The following IPPK variants were observed in gnomAD, a reference collection of about 807,000 sequenced individuals.
IPPK encodes the protein IPK1 homolog.
Under a neutral mutation model 64.6 loss-of-function variants are expected in IPPK, and 22 were observed. That is an observed-to-expected ratio of 0.34 (90% CI 0.24 to 0.49). The LOEUF (loss-of-function observed/expected upper bound fraction) is 0.49, where lower values mean the gene tolerates loss of function less well. Ranked by LOEUF, IPPK falls within the 20% of genes least tolerant of loss-of-function variation. The pLI, the probability that IPPK is intolerant of heterozygous loss-of-function variation, is 0.99. For synonymous variants in IPPK, 262 were observed against 247.2 expected (o/e 1.06, Z -0.56); for missense variants, 532 against 630.7 (o/e 0.84, Z 1.68).
intron 11 of IPPK, among the ~76,000 whole-genome samples, chr9:92,628,893 A>T (rs1263845184): frequency 6.6e-6 from 1 of 152,076 alleles, no homozygotes; most frequent in African/African-American, 2.4e-5. Flanking sequence ...AAAAAAACAA[A>T]AAAATGGTGC....
At chr9:92,617,768 G>A (rs971812178) in intron 12 of IPPK, 3 of 174,782 alleles carry the variant, frequency 1.7e-5, no homozygotes, top group Non-Finnish European at 3.7e-5. Flanking sequence ...GTCGAGAGGA[G>A]CATCAGGGTT....
chr9:92,647,831 G>A (rs868731614), intron 6 of IPPK, among the ~76,000 whole-genome samples: 15 of 152,298 alleles, frequency 9.8e-5, no homozygotes, highest in African/African-American at 3.1e-4. Context: ...GGTGGAGGCT[G>A]CAGTGAGTAT....
chr9:92,656,592 T>G, intron 2 of IPPK, 41 bp from the exon 3 acceptor site: 1 of 1,323,676 alleles, frequency 7.6e-7, no homozygotes, highest in Non-Finnish European at 1.1e-6. Context: ...TGATGGGACC[T>G]CCCAACAGAG....
In IPPK at chr9:92,627,300, C is replaced by T. The variant is rs186325578; in HGVS notation, c.1170+7086G>A. Among the ~76,000 whole-genome samples, 382 of 152,296 alleles carry T rather than the reference C, an allele frequency of 2.5e-3. 1 individual carries two copies. The highest frequency in any genetic ancestry group is 6.3e-3 in the Admixed American group (96 of 15,300). ...TCAAATATTTAAAGAATAATTAATA[C>T]CAATCCATCTCAACTTCTTCCAAAA... On this transcript the variant is annotated intron_variant, in intron 11 of 12. Transcript: ENST00000287996.
In IPPK at chr9:92,656,555, T is replaced by TA. The variant is rs757160931; in HGVS notation, c.130-5dup. 6.3e-7 allele frequency: 1 copy of TA among 1,595,678 alleles called. No homozygotes were observed. Among genetic ancestry groups the TA allele is most frequent in the South Asian group, 1.1e-5 (1 of 90,714 alleles). On this transcript the variant is annotated splice_region_variant and splice_polypyrimidine_tract_variant and intron_variant, in intron 2 of 12. Transcript: ENST00000287996. ...GTTGAAATATCTCTTCCGAGGTCTG[T>TA]AAGAGACAACCACAGGACAGCCTTC...
At chr9:92,621,599 C>G (rs1377597622) in intron 11 of IPPK, among the ~76,000 whole-genome samples, 1 of 149,656 alleles carries the variant, frequency 6.7e-6, no homozygotes, top group Non-Finnish European at 1.5e-5. Flanking sequence ...CTTACAGCCT[C>G]GACCTGCAGG....
chr9:92,634,505 A>T lies in IPPK; in HGVS notation c.1068-17T>A. 1 of 1,583,394 alleles carries T rather than the reference A, an allele frequency of 6.3e-7. No individual in the cohort carries two copies. The highest frequency in any genetic ancestry group is 8.7e-7 in the Non-Finnish European group (1 of 1,151,996). On this transcript the variant is annotated splice_polypyrimidine_tract_variant and intron_variant, in intron 10 of 12. Coordinates refer to ENST00000287996, the MANE Select transcript of IPPK (RefSeq NM_022755.6). ...AAGGTTTTTCTGAAGAAGAAAGCAC[A>T]ATAAAAACAGGATGACAAAGCCGCA... is the stretch of plus-strand genomic sequence containing the variant.
At chr9:92,652,827 T>A (rs898609686) in intron 3 of IPPK, among the ~76,000 whole-genome samples, 188 bp from the exon 4 acceptor site, 1 of 152,204 alleles carries the variant, frequency 6.6e-6, no homozygotes, top group Non-Finnish European at 1.5e-5. Flanking sequence ...GCTGCTCTAT[T>A]ATTTTCAGGA....
chr9:92,648,969 C>T (rs1371325283), intron 5 of IPPK, among the ~76,000 whole-genome samples: 7 of 152,236 alleles, frequency 4.6e-5, no homozygotes, highest in South Asian at 2.1e-4. Context: ...CAGGAAAATT[C>T]GTCCTGAGCA....
intron 6 of IPPK, among the ~76,000 whole-genome samples, chr9:92,643,842 C>T (rs1449480664): frequency 6.6e-6 from 1 of 152,066 alleles, no homozygotes; most frequent in Non-Finnish European, 1.5e-5. Flanking sequence ...TTTTTGTGGG[C>T]ACAGGAAGAA....
chr9:92,645,060 A>G (rs996713755), intron 6 of IPPK, among the ~76,000 whole-genome samples: 1 of 152,220 alleles, frequency 6.6e-6, no homozygotes, highest in Non-Finnish European at 1.5e-5. Flanking sequence ...CAAATAGAGA[A>G]TATCAATAGA....
chr9:92,625,158 T>C (rs772968148), intron 11 of IPPK, among the ~76,000 whole-genome samples: 2 of 152,240 alleles, frequency 1.3e-5, no homozygotes, highest in Non-Finnish European at 2.9e-5. Context: ...TTTTTTTCTG[T>C]GTACCTTTCT....
chr9:92,628,642 G>GA, intron 11 of IPPK, among the ~76,000 whole-genome samples: 1 of 152,324 alleles, frequency 6.6e-6, no homozygotes, highest in South Asian at 2.1e-4. Flanking sequence ...TTGGGAGGCT[G>GA]AGGCAGGCAG....
At chr9:92,619,285 A>C in intron 12 of IPPK, 1 of 564,444 alleles carries the variant, frequency 1.8e-6, no homozygotes, top group Non-Finnish European at 3.2e-6. Context: ...TATTCTCCAT[A>C]AATCTGTCTT....
In IPPK at chr9:92,613,531, T is replaced by G. The variant is rs1851336604; in HGVS notation, c.*2301A>C. On this transcript the variant is annotated 3_prime_UTR_variant, in exon 13 of 13. Transcript: ENST00000287996. ...GAGAAGCCACCCTTATCCTGGTTCC[T>G]GCCTCCTGGGGGCTCTGGAGACGGA... 4.4e-6 allele frequency: 1 copy of G among 227,194 alleles called. No homozygotes were observed. Among genetic ancestry groups the G allele is most frequent in the Admixed American group, 5.0e-5 (1 of 20,026 alleles). The allele number at this position is 227,194 out of a possible 1,614,324, so 14.1% of individuals were successfully genotyped here.
rs918790249 is a variant in IPPK, at chr9:92,615,554, A to G, written c.*278T>C. On this transcript the variant is annotated 3_prime_UTR_variant, in exon 13 of 13. Transcript: ENST00000287996. Reference sequence around the variant, plus strand: ...ATCAGACATGAGCCCTGGTTGGGAAAGAAGAACTATCCAGAACGTCTTCCC... The same window carrying G: ...ATCAGACATGAGCCCTGGTTGGGAAGGAAGAACTATCCAGAACGTCTTCCC... 5.2e-6 allele frequency: 2 copies of G among 382,734 alleles called. No homozygotes were observed. Among genetic ancestry groups the G allele is most frequent in the African/African-American group, 4.1e-5 (2 of 48,246 alleles). 23.7% of individuals were successfully genotyped at this position (382,734 alleles called of 1,614,324 possible).
rs576854900 is a variant in IPPK, at chr9:92,638,287, A to AC, written c.637-8dup. 3.0e-5 allele frequency: 48 copies of AC among 1,608,890 alleles called. No individual in the cohort carries two copies. In the South Asian group the frequency reaches 5.2e-4, roughly 17 times the overall value. On this transcript the variant is annotated splice_region_variant and splice_polypyrimidine_tract_variant and intron_variant, in intron 8 of 12. Coordinates refer to ENST00000287996, the MANE Select transcript of IPPK (RefSeq NM_022755.6). Reference sequence around the variant, plus strand: ...CGTAAATCAGCTCACCATTCTTCAGACAGGGAAAAGAAAGAGGGAAACGTC... The same window carrying AC: ...CGTAAATCAGCTCACCATTCTTCAGACCAGGGAAAAGAAAGAGGGAAACGTC...
At chr9:92,619,608 C>A in intron 11 of IPPK, 43 bp from the exon 12 acceptor site, 1 of 1,503,672 alleles carries the variant, frequency 6.7e-7, no homozygotes. Flanking sequence ...CACAGGAAGC[C>A]TCTGCCCCCC....
At chr9:92,642,484 A>T (rs1004272802) in intron 7 of IPPK, among the ~76,000 whole-genome samples, 6 of 152,278 alleles carry the variant, frequency 3.9e-5, no homozygotes, top group African/African-American at 1.4e-4. Context: ...TTGATTTCTG[A>T]CATAAGTAGA....
Sources: gnomAD v4.1 joint callset for allele counts (sites outside exome capture counted in the v4.1 genomes callset) on GRCh38, gnomAD v4.1.1 for gene constraint, MANE v1.5 for transcripts, NCBI Gene and HGNC (gene_info 2026-07-23, HGNC 2026-07-21) for gene names.